Variants in FMN2 observed in about 807,000 individuals in gnomAD.
FMN2 encodes the protein formin-2.
In FMN2, 51 loss-of-function variants were observed where a neutral mutation model predicts 142.3. The ratio of observed to expected loss-of-function variants is 0.36; its 90% CI spans 0.29 to 0.45. The LOEUF (loss-of-function observed/expected upper bound fraction) is 0.45, where lower values mean the gene tolerates loss of function less well. Ranked by LOEUF, FMN2 falls within the 20% of genes least tolerant of loss-of-function variation. The pLI is 1.00. For missense variants in FMN2, 1,936 were observed against 2,122.8 expected, an observed-to-expected ratio of 0.91 and a Z score of 1.73; for synonymous variants, 882 against 869.8, an observed-to-expected ratio of 1.01 and a Z score of -0.25.
rs546159221 is a variant in FMN2, at chr1:240,318,772, A to G, written c.4216-10304A>G. 2.0e-5 allele frequency among the ~76,000 whole-genome samples: 3 copies of G among 152,312 alleles called. No homozygotes were observed. In the South Asian group the frequency reaches 6.2e-4, roughly 32 times the overall value. On this transcript the variant is annotated intron_variant, in intron 8 of 17. Coordinates refer to ENST00000319653, the MANE Select transcript of FMN2 (RefSeq NM_020066.5). ...GGGAGACCAATCAGGATATTAGAAT[A>G]GTTGAGTTGAGAGATGGCGGTTTGG...
rs1571955159 is a variant in FMN2, at chr1:240,126,188, A to T, written c.1782+2843A>T. On this transcript the variant is annotated intron_variant, in intron 2 of 17. Transcript: ENST00000319653. ...CTGAGGACTGGGGTGTCAATGAGGG[A>T]TGAGGAAGAATGTGCTTATCTATGG... Among the ~76,000 whole-genome samples, 4 of 152,274 alleles carry T rather than the reference A, an allele frequency of 2.6e-5. No homozygotes were observed. The South Asian group carries it at 6.2e-4, about 24-fold the overall frequency.
chr1:240,331,780 C>T (rs532945676), intron 11 of FMN2, among the ~76,000 whole-genome samples: 11 of 152,196 alleles, frequency 7.2e-5, no homozygotes, highest in East Asian at 1.9e-4. Context: ...AAAGCTTAGC[C>T]TAGCCTGCCT....
chr1:240,138,620 T>G (rs1473164000), intron 2 of FMN2, among the ~76,000 whole-genome samples: 1 of 151,870 alleles, frequency 6.6e-6, no homozygotes, highest in Non-Finnish European at 1.5e-5. Context: ...GGCAAGAGAA[T>G]CGCTTGAACC....
chr1:240,317,487 T>C (rs1670829988), intron 8 of FMN2, among the ~76,000 whole-genome samples: 1 of 152,152 alleles, frequency 6.6e-6, no homozygotes, highest in Non-Finnish European at 1.5e-5. Flanking sequence ...ATAAATGGAA[T>C]CATACGGTAT....
chr1:240,448,341 C>T (rs1675895863), intron 16 of FMN2, among the ~76,000 whole-genome samples: 1 of 152,054 alleles, frequency 6.6e-6, no homozygotes, highest in African/African-American at 2.4e-5. Flanking sequence ...TAAAAATATA[C>T]ACACATGCAA....
chr1:240,458,370 T>C (rs563613135), intron 16 of FMN2: 1 of 152,338 alleles, frequency 6.6e-6, no homozygotes, highest in South Asian at 2.1e-4. Context: ...TTGTACTCTT[T>C]TATGAGTTTT....
intron 5 of FMN2, among the ~76,000 whole-genome samples, chr1:240,209,017 T>C (rs918471979): frequency 3.3e-5 from 5 of 152,158 alleles, no homozygotes; most frequent in Non-Finnish European, 7.3e-5. Context: ...TTGAGGGATA[T>C]ATTTTTCTTA....
chr1:240,351,242 G>A (rs1490847192), intron 13 of FMN2, among the ~76,000 whole-genome samples: 1 of 152,096 alleles, frequency 6.6e-6, no homozygotes, highest in Non-Finnish European at 1.5e-5. Flanking sequence ...TTCCGCAGGG[G>A]GTGCACTGTA....
At chr1:240,170,335 G>A in intron 2 of FMN2, 1 of 1,105,510 alleles carries the variant, frequency 9.0e-7, no homozygotes, top group Non-Finnish European at 1.4e-6. Flanking sequence ...GAGCAGAGCT[G>A]ATCCTGAGGG....
chr1:240,254,257 G>A (rs1033025928), intron 6 of FMN2, among the ~76,000 whole-genome samples: 14 of 152,080 alleles, frequency 9.2e-5, no homozygotes, highest in African/African-American at 2.9e-4. Flanking sequence ...CAGGCCACGC[G>A]GGGCAGTCTC....
chr1:240,222,083 T>C (rs1667141547), intron 6 of FMN2, among the ~76,000 whole-genome samples: 1 of 150,092 alleles, frequency 6.7e-6, no homozygotes, highest in Non-Finnish European at 1.5e-5. Context: ...GGTCTCGAAC[T>C]CCTGGCCTCA....
chr1:240,303,772 C>A (rs560226765), intron 8 of FMN2, among the ~76,000 whole-genome samples: 1 of 151,996 alleles, frequency 6.6e-6, no homozygotes, highest in East Asian at 1.9e-4. Context: ...CTCTCTTTTT[C>A]TTCTAGGACT....
At chr1:240,278,718 A>G (rs1473916590) in intron 7 of FMN2, among the ~76,000 whole-genome samples, 1 of 152,186 alleles carries the variant, frequency 6.6e-6, no homozygotes, top group Non-Finnish European at 1.5e-5. Flanking sequence ...ATACATTTAG[A>G]TTGACTTTGC....
chr1:240,393,894 C>T (rs1458600629), intron 15 of FMN2, among the ~76,000 whole-genome samples: 8 of 152,170 alleles, frequency 5.3e-5, no homozygotes, highest in Non-Finnish European at 1.2e-4. Flanking sequence ...CTACTTGCCA[C>T]ACAGAAAGCC....
At chr1:240,271,098 G>GTTTTT (rs56686860) in intron 7 of FMN2, among the ~76,000 whole-genome samples, 9,179 of 71,886 alleles carry the variant, frequency 0.13, 1,285 homozygotes, top group African/African-American at 0.2. Context: ...TTCCACGATG[G>GTTTTT]TTTTTTTTTT....
chr1:240,142,599 C>T (rs12746598), intron 2 of FMN2: 468,410 of 1,452,830 alleles, frequency 0.32, 77,515 homozygotes, highest in Admixed American at 0.38. Flanking sequence ...GCAGCTGTGT[C>T]CACCCTTGGC....
At chr1:240,227,519 A>G (rs7526547) in intron 6 of FMN2, among the ~76,000 whole-genome samples, 48,121 of 152,006 alleles carry the variant, frequency 0.32, 8,551 homozygotes, top group African/African-American at 0.49. Flanking sequence ...GCAAAAGAAC[A>G]AAGTTGGAAG....
intron 2 of FMN2, among the ~76,000 whole-genome samples, chr1:240,124,962 G>A (rs1662441202): frequency 2.0e-5 from 3 of 152,154 alleles, no homozygotes; most frequent in Non-Finnish European, 4.4e-5. Flanking sequence ...CACTGCGCCT[G>A]GCCGTGGTTT....
At chr1:240,250,209 A>G (rs1053344349) in intron 6 of FMN2, among the ~76,000 whole-genome samples, 2 of 152,094 alleles carry the variant, frequency 1.3e-5, no homozygotes, top group Non-Finnish European at 2.9e-5. Context: ...CCCATTCAGT[A>G]TGATGTTAGC....
Sources: gnomAD v4.1 joint callset for allele counts (sites outside exome capture counted in the v4.1 genomes callset) on GRCh38, gnomAD v4.1.1 for gene constraint, MANE v1.5 for transcripts, NCBI Gene and HGNC (gene_info 2026-07-23, HGNC 2026-07-21) for gene names.